The following GALNT8 variants were observed in gnomAD, a reference collection of about 807,000 sequenced individuals.
GALNT8 encodes probable polypeptide N-acetylgalactosaminyltransferase 8.
Under a neutral mutation model 62.7 loss-of-function variants are expected in GALNT8, and 66 were observed. That is an observed-to-expected ratio of 1.05 (90% CI 0.86 to 1.29). The LOEUF (loss-of-function observed/expected upper bound fraction) is 1.29. Among genes scored for constraint, GALNT8 ranks in the 50% most tolerant of loss-of-function variants. GALNT8 has a pLI of 0.00. For missense variants in GALNT8, 771 were observed against 791.8 expected, an observed-to-expected ratio of 0.97 and a Z score of 0.32; for synonymous variants, 288 against 294.3, an observed-to-expected ratio of 0.98 and a Z score of 0.22.
intron 10 of GALNT8, among the ~76,000 whole-genome samples, chr12:4,768,710 A>G (rs1012394001): frequency 6.6e-6 from 1 of 152,178 alleles, no homozygotes; most frequent in Non-Finnish European, 1.5e-5. Context: ...GTGTTACCTA[A>G]TATTAAGTTA....
At chr12:4,765,257 G>T (rs1240453972) in intron 9 of GALNT8, 122 bp from the exon 10 acceptor site, 3 of 774,362 alleles carry the variant, frequency 3.9e-6, no homozygotes, top group Non-Finnish European at 6.0e-6. Context: ...TGCTCTTGGT[G>T]TGACTGGGTG....
rs1946277853 is a variant in GALNT8, at chr12:4,742,782, A to C, written c.677-1735A>C. Reference sequence around the variant, plus strand: ...GGAATGGTGTGAACAAAAGTGAGGAATCCGGAAGCGCCCTGAGCTGACCAG... The same window carrying C: ...GGAATGGTGTGAACAAAAGTGAGGACTCCGGAAGCGCCCTGAGCTGACCAG... On this transcript the variant is annotated intron_variant, in intron 3 of 10. Coordinates refer to ENST00000252318, the MANE Select transcript of GALNT8 (RefSeq NM_017417.2). 1.3e-5 allele frequency among the ~76,000 whole-genome samples: 2 copies of C among 152,172 alleles called. 1 individual carries two copies. Among genetic ancestry groups the C allele is most frequent in the South Asian group, 4.1e-4 (2 of 4,828 alleles).
chr12:4,729,441 C>G (rs116950023), intron 2 of GALNT8, among the ~76,000 whole-genome samples: 2,468 of 152,226 alleles, frequency 0.016, 36 homozygotes, highest in Middle Eastern at 0.034. Context: ...GCCCAGCCCC[C>G]ACCCTGGCTC....
At chr12:4,742,143 G>A (rs775600652) in intron 3 of GALNT8, among the ~76,000 whole-genome samples, 36 of 152,130 alleles carry the variant, frequency 2.4e-4, no homozygotes, top group Non-Finnish European at 4.1e-4. Flanking sequence ...TACGTGTAAA[G>A]GCCTCAGGAG....
At chr12:4,721,318 A>G (rs1485065513) in intron 1 of GALNT8, among the ~76,000 whole-genome samples, 1 of 151,990 alleles carries the variant, frequency 6.6e-6, no homozygotes, top group African/African-American at 2.4e-5. Flanking sequence ...CACAGAAACA[A>G]AGTATGTAGA....
In GALNT8 at chr12:4,764,041, C is replaced by G. The variant is rs1469885460; in HGVS notation, c.1587C>G (p.Ser529Arg). ...TCATGTATTACTGCCATGAATTCAG[C>G]TCACAGGTATCTTCCACAATCTTCC... ...TPIMYYCHEF[S>R]SQNVYYHLTG... The change falls in exon 9 of 11, where the codon AGC becomes AGG. Residue 529 changes from serine (S) to arginine (R), a missense_variant. Physicochemically the swap from Ser to Arg is moderately radical, Grantham distance 110 (BLOSUM62 -1). Transcript: ENST00000252318. The G allele has an allele frequency of 1.9e-6, 3 of 1,540,306 alleles. No individual in the cohort carries two copies. Among genetic ancestry groups the G allele is most frequent in the Non-Finnish European group, 2.7e-6 (3 of 1,112,064 alleles).
intron 3 of GALNT8, among the ~76,000 whole-genome samples, chr12:4,741,873 G>T (rs1167983977): frequency 6.6e-6 from 1 of 152,116 alleles, no homozygotes; most frequent in Non-Finnish European, 1.5e-5. Context: ...GGTGTTACAG[G>T]GACAGGAATT....
chr12:4,724,402 T>C (rs1946185234), intron 1 of GALNT8, among the ~76,000 whole-genome samples: 1 of 152,140 alleles, frequency 6.6e-6, no homozygotes, highest in Non-Finnish European at 1.5e-5. Flanking sequence ...AGTGACACTG[T>C]ATTCATACTA....
intron 10 of GALNT8, among the ~76,000 whole-genome samples, chr12:4,767,199 T>C (rs1206486561): frequency 6.6e-6 from 1 of 152,100 alleles, no homozygotes; most frequent in Admixed American, 6.5e-5. Flanking sequence ...AGGAGTCGGT[T>C]GGGTGGTTCC....
intron 5 of GALNT8, among the ~76,000 whole-genome samples, chr12:4,745,932 G>A (rs1419592521): frequency 1.3e-5 from 2 of 152,210 alleles, no homozygotes; most frequent in Non-Finnish European, 2.9e-5. Flanking sequence ...GAAGAAAAAG[G>A]TGTAATTTCA....
At chr12:4,768,035 T>C (rs1214836766) in intron 10 of GALNT8, among the ~76,000 whole-genome samples, 2 of 152,308 alleles carry the variant, frequency 1.3e-5, no homozygotes, top group East Asian at 3.9e-4. Context: ...ATGAGCTGTA[T>C]TTACAAATTT....
intron 6 of GALNT8, 23 bp from the exon 7 acceptor site, chr12:4,760,935 G>T (rs1463656092): frequency 6.2e-7 from 1 of 1,607,766 alleles, no homozygotes; most frequent in Non-Finnish European, 8.5e-7. Context: ...AAGCACGGGT[G>T]ATTTTTTGGT....
rs889362347 is a variant in GALNT8 at position 4,745,571 on chromosome 12, T to A, written c.1003T>A (p.Tyr335Asn). 6.2e-7 allele frequency: 1 copy of A among 1,613,874 alleles called. No individual in the cohort carries two copies. The highest frequency in any genetic ancestry group is 1.3e-5 in the African/African-American group (1 of 74,894). ...DGFNWELWCR[Y>N]DALPQAWIDL... ...GTTTAACTGGGAACTCTGGTGCCGC[T>A]ACGATGCACTGCCACAAGCCTGGAT... The change falls in exon 5 of 11, where the codon TAC becomes AAC. Residue 335 changes from tyrosine to asparagine, a missense_variant. By Grantham distance (143) the Tyr-to-Asn change is moderately radical (BLOSUM62 -2). Coordinates refer to ENST00000252318, the MANE Select transcript of GALNT8 (RefSeq NM_017417.2).
intron 6 of GALNT8, among the ~76,000 whole-genome samples, chr12:4,756,426 G>A (rs1317148135): frequency 6.6e-6 from 1 of 152,178 alleles, no homozygotes; most frequent in African/African-American, 2.4e-5. Context: ...TATGGTGAGT[G>A]ACATATGGTT....
In GALNT8 at chr12:4,772,585, C is replaced by T; in HGVS notation, c.1902C>T (p.Thr634=). Residue 634 remains threonine, a synonymous_variant, in exon 11 of 11, where the codon ACC becomes ACT. Coordinates refer to ENST00000252318, the MANE Select transcript of GALNT8 (RefSeq NM_017417.2). ...IQHTVRDWGQ[T]NSQ Reference sequence around the variant, plus strand: ...ACACTGTCAGAGACTGGGGTCAGACCAACAGCCAGTGATCCTCAGATGGTG... The same window carrying T: ...ACACTGTCAGAGACTGGGGTCAGACTAACAGCCAGTGATCCTCAGATGGTG... 6.2e-7 allele frequency: 1 copy of T among 1,613,324 alleles called. No homozygotes were observed. The highest frequency in any genetic ancestry group is 2.2e-5 in the East Asian group (1 of 44,866).
chr12:4,756,579 C>CG (rs1307982775), intron 6 of GALNT8, among the ~76,000 whole-genome samples: 1 of 151,984 alleles, frequency 6.6e-6, no homozygotes, highest in Non-Finnish European at 1.5e-5. Flanking sequence ...CTTTTTTCCC[C>CG]CTCCAAGCCC....
Position 4,744,674 on chromosome 12 carries a change from T to C in GALNT8, c.834T>C (p.Asp278=), listed in dbSNP as rs761386645. 4 of 1,612,692 alleles carry C rather than the reference T, an allele frequency of 2.5e-6. No individual in the cohort carries two copies. The South Asian group carries it at 4.4e-5, about 18-fold the overall frequency. Residue 278 remains aspartate (D), a synonymous_variant, in exon 4 of 11, where the codon GAT becomes GAC. Transcript: ENST00000252318. ...CAGCAGACGTGGTCGCCATCTTGGA[T>C]GCTCACATTGAAGTCAATGTTGGGT... The part of the protein sequence containing the change: ...AATADVVAIL[D]AHIEVNVGWA...
At position 4,739,394 on chromosome 12, in the gene GALNT8, G is replaced by A. The variant is rs186309279; in HGVS notation, c.676+65G>A. On this transcript the variant is annotated intron_variant, in intron 3 of 10. Transcript: ENST00000252318. ...CTTATCATCTGTGCTTGGCTGGAAA[G>A]AGGTTTTGGCTTAGAGTTTAGGACA... 6.5e-3 allele frequency: 9,184 copies of A among 1,408,894 alleles called. 49 individuals carry two copies. Among genetic ancestry groups the A allele is most frequent in the Admixed American group, 9.0e-3 (486 of 54,070 alleles). The allele number at this position is 1,408,894 out of a possible 1,614,324, so 87.3% of individuals were successfully genotyped here.
intron 2 of GALNT8, among the ~76,000 whole-genome samples, chr12:4,728,474 C>T (rs1338615761): frequency 2.0e-5 from 3 of 152,032 alleles, no homozygotes; most frequent in Non-Finnish European, 4.4e-5. Flanking sequence ...CCCATGTTTT[C>T]TTCTAAGAAT....
Sources: allele counts gnomAD v4.1 joint callset (sites outside exome capture counted in the v4.1 genomes callset), GRCh38; gene constraint gnomAD v4.1.1; transcripts MANE v1.5; gene names NCBI Gene and HGNC (gene_info 2026-07-23, HGNC 2026-07-21).